The following GNA14 variants were observed in gnomAD, a reference collection of about 807,000 sequenced individuals.
The protein encoded by GNA14 is guanine nucleotide-binding protein subunit alpha-14.
In GNA14, 50 loss-of-function variants were observed where a neutral mutation model predicts 42.0. The ratio of observed to expected loss-of-function variants is 1.19; its 90% CI spans 0.95 to 1.51. The LOEUF is 1.51. Ranked by LOEUF, GNA14 falls within the 40% of genes most tolerant of loss-of-function variation. The probability of loss-of-function intolerance (pLI) is 0.00; values close to 1 mark genes in which losing one functional copy is unlikely to be tolerated. For synonymous variants in GNA14, 173 were observed against 163.1 expected, an observed-to-expected ratio of 1.06 and a Z score of -0.46; for missense variants, 473 against 446.2, an observed-to-expected ratio of 1.06 and a Z score of -0.54.
At chr9:77,541,685 G>A (rs1165704067) in intron 1 of GNA14, among the ~76,000 whole-genome samples, 1 of 151,880 alleles carries the variant, frequency 6.6e-6, no homozygotes, top group Non-Finnish European at 1.5e-5. Context: ...AATTTTGGTT[G>A]CTTTATGTAT....
chr9:77,470,707 G>C (rs971728557), intron 2 of GNA14, among the ~76,000 whole-genome samples: 8 of 152,142 alleles, frequency 5.3e-5, no homozygotes, highest in African/African-American at 1.9e-4. Context: ...TGGGTAATTT[G>C]TAAAGAAAAG....
chr9:77,464,331 A>ATG (rs754670266), intron 2 of GNA14, among the ~76,000 whole-genome samples: 384 of 142,952 alleles, frequency 2.7e-3, no homozygotes, highest in African/African-American at 8.3e-3. Flanking sequence ...GTGTATATAT[A>ATG]TGTGTGTGTG....
chr9:77,584,970 C>T (rs1431859611), intron 1 of GNA14, among the ~76,000 whole-genome samples: 1 of 152,010 alleles, frequency 6.6e-6, no homozygotes, highest in Admixed American at 6.6e-5. Context: ...TGGGATTTAG[C>T]CGGCTTCTTT....
intron 1 of GNA14, among the ~76,000 whole-genome samples, chr9:77,636,030 A>C (rs1824179248): frequency 6.6e-6 from 1 of 152,244 alleles, no homozygotes; most frequent in Non-Finnish European, 1.5e-5. Flanking sequence ...TTCTAAACAC[A>C]GGTGCATTTT....
intron 2 of GNA14, among the ~76,000 whole-genome samples, chr9:77,441,142 G>A (rs1188891725): frequency 3.3e-5 from 5 of 152,108 alleles, no homozygotes; most frequent in African/African-American, 1.2e-4. Context: ...GTATTGATAT[G>A]GTTTGGCTCT....
At chr9:77,504,660 C>CTTTTTT (rs34631344) in intron 2 of GNA14, among the ~76,000 whole-genome samples, 13 of 76,216 alleles carry the variant, frequency 1.7e-4, no homozygotes, top group African/African-American at 5.2e-4. Flanking sequence ...GTCTGGCCGA[C>CTTTTTT]TTTTTTTTTT....
At chr9:77,433,460 C>CA (rs1476608265) in intron 3 of GNA14, among the ~76,000 whole-genome samples, 8 of 151,910 alleles carry the variant, frequency 5.3e-5, no homozygotes, top group African/African-American at 1.9e-4. Context: ...AATCATGGCT[C>CA]ATTGCAACCT....
intron 1 of GNA14, among the ~76,000 whole-genome samples, chr9:77,602,956 C>T (rs1422022029): frequency 6.6e-6 from 1 of 152,232 alleles, no homozygotes; most frequent in Non-Finnish European, 1.5e-5. Context: ...CACATTTAAT[C>T]TGCCACCCAA....
chr9:77,489,839 G>A (rs1836730460), intron 2 of GNA14, among the ~76,000 whole-genome samples: 1 of 152,202 alleles, frequency 6.6e-6, no homozygotes, highest in Non-Finnish European at 1.5e-5. Flanking sequence ...GACCCAAAGA[G>A]TGAGCAGTAG....
intron 2 of GNA14, among the ~76,000 whole-genome samples, chr9:77,503,372 G>A (rs1008268102): frequency 3.9e-5 from 6 of 152,186 alleles, no homozygotes; most frequent in Admixed American, 1.3e-4. Flanking sequence ...TCCTAGATGA[G>A]AGAGGCACCC....
In GNA14 at chr9:77,647,734, C is replaced by T; in HGVS notation, c.60G>A (p.Glu20=). ...EEKESQRISA[E]IERQLRRDKK... Reference sequence around the variant, plus strand: ...TGTCCCGACGAAGCTGTCGCTCGATCTCCGCGCTGATGCGCTGCGACTCCT... The same window carrying T: ...TGTCCCGACGAAGCTGTCGCTCGATTTCCGCGCTGATGCGCTGCGACTCCT... The change falls in exon 1 of 7, where the codon GAG becomes GAA. Residue 20 remains glutamate (E), a synonymous_variant. Coordinates refer to ENST00000341700, the MANE Select transcript of GNA14 (RefSeq NM_004297.4). The T allele has an allele frequency of 1.2e-6, 2 of 1,609,974 alleles. No individual in the cohort carries two copies. Among genetic ancestry groups the T allele is most frequent in the Non-Finnish European group, 1.7e-6 (2 of 1,178,574 alleles).
At chr9:77,425,779 C>G (rs1161845247) in intron 5 of GNA14, 64 bp from the exon 6 acceptor site, 1 of 1,146,660 alleles carries the variant, frequency 8.7e-7, no homozygotes. Context: ...CAACATGGCG[C>G]ATTGCCAGTC....
At chr9:77,441,430 G>A (rs148626573) in intron 2 of GNA14, among the ~76,000 whole-genome samples, 1 of 152,260 alleles carries the variant, frequency 6.6e-6, no homozygotes, top group African/African-American at 2.4e-5. Context: ...ATGTGGACCT[G>A]TGAGTCAATT....
At chr9:77,440,674 T>C (rs1036126337) in intron 2 of GNA14, among the ~76,000 whole-genome samples, 1 of 152,214 alleles carries the variant, frequency 6.6e-6, no homozygotes, top group Non-Finnish European at 1.5e-5. Flanking sequence ...TATTGTTTTG[T>C]AGTGAGAACA....
At chr9:77,525,363 T>G (rs2131764692) in intron 2 of GNA14, among the ~76,000 whole-genome samples, 1 of 152,226 alleles carries the variant, frequency 6.6e-6, no homozygotes, top group East Asian at 1.9e-4. Flanking sequence ...CTGCCTCTCC[T>G]TAAGCCATTT....
intron 2 of GNA14, among the ~76,000 whole-genome samples, chr9:77,479,724 A>C (rs564887478): frequency 1.1e-3 from 174 of 152,064 alleles, no homozygotes; most frequent in African/African-American, 3.8e-3. Context: ...CTTTTATTTC[A>C]TTGAGCAGTG....
chr9:77,467,000 G>GTGTGT (rs1836246726), intron 2 of GNA14, among the ~76,000 whole-genome samples: 5 of 143,620 alleles, frequency 3.5e-5, no homozygotes, highest in African/African-American at 2.6e-5. Context: ...TTTACCACTC[G>GTGTGT]GTGTGTGTGT....
chr9:77,534,009 C>T (rs1366423079), intron 1 of GNA14, among the ~76,000 whole-genome samples: 1 of 152,162 alleles, frequency 6.6e-6, no homozygotes, highest in Non-Finnish European at 1.5e-5. Context: ...TTCTCATACG[C>T]ATATGTCACC....
chr9:77,586,951 G>GCTTACCTA lies in GNA14; in HGVS notation c.125-57699_125-57698insTAGGTAAG, dbSNP rs577691100. Among the ~76,000 whole-genome samples the GCTTACCTA allele has an allele frequency of 3.7e-3, 556 of 149,608 alleles. 1 individual carries two copies. The highest frequency in any genetic ancestry group is 0.013 in the African/African-American group (520 of 40,500). On this transcript the variant is annotated intron_variant, in intron 1 of 6. Coordinates refer to ENST00000341700, the MANE Select transcript of GNA14 (RefSeq NM_004297.4). ...AAGCTTCCAACTTGCTTACCTATAT[G>GCTTACCTA]TCTGCAGCTCGATTTTACAGGCTGG...
Sources: gnomAD v4.1 joint callset for allele counts (sites outside exome capture counted in the v4.1 genomes callset) on GRCh38, gnomAD v4.1.1 for gene constraint, MANE v1.5 for transcripts, NCBI Gene and HGNC (gene_info 2026-07-23, HGNC 2026-07-21) for gene names.